KTN1: variants seen among roughly 807,000 people sequenced by gnomAD.
The protein encoded by KTN1 is kinectin 1, also known as kinectin.
A neutral mutation model predicts 222.5 loss-of-function variants in KTN1; 130 were observed. The ratio of observed to expected loss-of-function variants is 0.58; its 90% CI spans 0.51 to 0.68. KTN1 has a LOEUF of 0.68. Among genes scored for constraint, KTN1 ranks in the 30% least tolerant of loss-of-function variants. The pLI is 0.00. For missense variants in KTN1, 1,508 were observed against 1,500.4 expected (o/e 1.01, Z -0.08); for synonymous variants, 512 against 496.3 (o/e 1.03, Z -0.42).
At chr14:55,605,368 C>A (rs10136120) in intron 1 of KTN1, among the ~76,000 whole-genome samples, 13,317 of 152,140 alleles carry the variant, frequency 0.088, 1,563 homozygotes, top group African/African-American at 0.27. Flanking sequence ...TTTCTGCTGC[C>A]TCTTGTTCAT....
chr14:55,632,637 T>A (rs1003774489), intron 7 of KTN1, among the ~76,000 whole-genome samples: 2 of 152,186 alleles, frequency 1.3e-5, no homozygotes, highest in Non-Finnish European at 2.9e-5. Context: ...GCATTATGGA[T>A]ATATTTAATA....
intron 33 of KTN1, among the ~76,000 whole-genome samples, chr14:55,664,258 G>T (rs763327650): frequency 5.9e-5 from 9 of 152,134 alleles, no homozygotes; most frequent in Non-Finnish European, 1.2e-4. Context: ...TTTGGGCTTT[G>T]TTGAGCACAA....
At chr14:55,619,413 A>T in intron 5 of KTN1, 101 bp downstream of exon 5, 1 of 1,013,598 alleles carries the variant, frequency 9.9e-7, no homozygotes, top group Non-Finnish European at 1.5e-6. Flanking sequence ...CCCATCCTTA[A>T]CATCTCAGAA....
At chr14:55,659,266 G>A (rs781337150) in intron 30 of KTN1, among the ~76,000 whole-genome samples, 8 of 150,766 alleles carry the variant, frequency 5.3e-5, no homozygotes, top group Non-Finnish European at 8.9e-5. Flanking sequence ...TTTGTTAAAC[G>A]TGAGGAAACA....
intron 12 of KTN1, 149 bp from the exon 13 acceptor site, chr14:55,639,036 T>C (rs913387457): frequency 7.7e-6 from 4 of 516,358 alleles, no homozygotes; most frequent in Non-Finnish European, 1.4e-5. Context: ...TGATAGTTAC[T>C]CTTTATTGAA....
chr14:55,588,793 A>G (rs770832657), intron 1 of KTN1, among the ~76,000 whole-genome samples: 1 of 152,190 alleles, frequency 6.6e-6, no homozygotes, highest in African/African-American at 2.4e-5. Context: ...GTTTTGATAA[A>G]TTTTAACTTT....
At chr14:55,603,204 C>T (rs2036234613) in intron 1 of KTN1, among the ~76,000 whole-genome samples, 2 of 151,184 alleles carry the variant, frequency 1.3e-5, no homozygotes, top group Admixed American at 6.6e-5. Context: ...GCTGTAATTT[C>T]TCCCATCTTT....
At chr14:55,671,444 T>C (rs1328432509) in intron 35 of KTN1, 122 bp from the exon 36 acceptor site, 1 of 646,318 alleles carries the variant, frequency 1.5e-6, no homozygotes, top group African/African-American at 1.9e-5. Context: ...TGAAATGTAG[T>C]GTTTCCTTAT....
At position 55,650,326 on chromosome 14, in the gene KTN1, A is replaced by G; in HGVS notation, c.2406-2A>G. 1 of 1,580,444 alleles carries G rather than the reference A, an allele frequency of 6.3e-7. No homozygotes were observed. The highest frequency in any genetic ancestry group is 8.6e-7 in the Non-Finnish European group (1 of 1,164,048). On this transcript the variant is annotated splice_acceptor_variant, in intron 22 of 43. Transcript: ENST00000395314. LOFTEE classifies it high-confidence loss of function. ...AAATTATACTGCATTTCTTTATTGA[A>G]GGATCCATGAGAAAGATGGAAAGAT...
intron 31 of KTN1, 96 bp from the exon 32 acceptor site, chr14:55,661,426 T>C: frequency 2.9e-6 from 2 of 687,832 alleles, no homozygotes; most frequent in Middle Eastern, 3.9e-4. Context: ...TCTCTTGATA[T>C]TTTTATTTTG....
At chr14:55,679,826 C>A (rs1278570084) in intron 43 of KTN1, 141 bp downstream of exon 43, 4 of 875,174 alleles carry the variant, frequency 4.6e-6, no homozygotes, top group Non-Finnish European at 7.2e-6. Context: ...CAGCCTTAAG[C>A]TTTCTTGGAG....
At position 55,664,194 on chromosome 14, in the gene KTN1, T is replaced by A. The variant is rs571310797; in HGVS notation, c.3177+153T>A. On this transcript the variant is annotated intron_variant, in intron 33 of 43. Coordinates refer to ENST00000395314, the MANE Select transcript of KTN1 (RefSeq NM_001079521.2). ...CTCTATCATCTCTGCTTTTTTCATCTACTCCTTGAAGCTTTAATTTTGGGC... is the reference window on the plus strand; with the variant it reads ...CTCTATCATCTCTGCTTTTTTCATCAACTCCTTGAAGCTTTAATTTTGGGC... Among the ~76,000 whole-genome samples the A allele has an allele frequency of 9.8e-5, 15 of 152,326 alleles. 1 individual carries two copies. In the South Asian group the frequency reaches 3.1e-3, roughly 32 times the overall value.
At chr14:55,611,155 A>G (rs2140594753) in intron 1 of KTN1, among the ~76,000 whole-genome samples, 1 of 152,212 alleles carries the variant, frequency 6.6e-6, no homozygotes, top group South Asian at 2.1e-4. Flanking sequence ...TGGCAGAGTC[A>G]CAGGTCACTG....
At chr14:55,665,994 T>G (rs1413365437) in intron 33 of KTN1, among the ~76,000 whole-genome samples, 1 of 151,950 alleles carries the variant, frequency 6.6e-6, no homozygotes, top group Non-Finnish European at 1.5e-5. Context: ...CTTTAAAGAT[T>G]AGTACTTTGG....
rs34864410 is a variant in KTN1, at chr14:55,664,992, ATT to A, written c.3177+964_3177+965del. ...GTTTAAGCATAAAATAGTTCTGTAA[ATT>A]TTTTTTTTTTTTAGCAAGTATACGT... On this transcript the variant is annotated intron_variant, in intron 33 of 43. Transcript: ENST00000395314. Among the ~76,000 whole-genome samples the A allele has an allele frequency of 5.3e-3, 773 of 147,228 alleles. 9 individuals are homozygous for A. The highest frequency in any genetic ancestry group is 0.018 in the South Asian group (86 of 4,666).
chr14:55,591,581 CTTTTTTTTTTTTTTTT>C (rs71131297), intron 1 of KTN1, among the ~76,000 whole-genome samples: 1 of 87,712 alleles, frequency 1.1e-5, no homozygotes, highest in East Asian at 4.1e-4. Context: ...TTCTCTCTTT[CTTTTTTTTTTTTTTTT>C]TTTTTTTTGA....
chr14:55,648,013 T>A lies in KTN1; in HGVS notation c.2208-12T>A, dbSNP rs1286328463. The stretch of plus-strand genomic sequence containing the variant: ...AATAGTTAATACATGTGTTACAAAT[T>A]TATAATTTCAGCATTCAAGAAAAAG... On this transcript the variant is annotated splice_polypyrimidine_tract_variant and intron_variant, in intron 19 of 43. Transcript: ENST00000395314. 1.6e-6 allele frequency: 2 copies of A among 1,253,278 alleles called. No homozygotes were observed. The highest frequency in any genetic ancestry group is 2.2e-6 in the Non-Finnish European group (2 of 908,966). The allele number at this position is 1,253,278 out of a possible 1,614,324, so 77.6% of individuals were successfully genotyped here. A position where few individuals can be genotyped will look rare whatever the true frequency, so the allele number is the denominator to read the frequency against.
At chr14:55,608,655 G>A (rs947216888) in intron 1 of KTN1, among the ~76,000 whole-genome samples, 5 of 145,076 alleles carry the variant, frequency 3.4e-5, no homozygotes, top group African/African-American at 1.3e-4. Flanking sequence ...ACAGAGTCTC[G>A]CCCTGTTGCC....
chr14:55,583,403 TGTAGAAGACATAC>T lies in KTN1; in HGVS notation c.-31+3050_-31+3062del, dbSNP rs999466301. Among the ~76,000 whole-genome samples, 890 of 152,306 alleles carry T rather than the reference TGTAGAAGACATAC, an allele frequency of 5.8e-3. 13 individuals are homozygous for T. Among genetic ancestry groups the T allele is most frequent in the African/African-American group, 0.021 (858 of 41,562 alleles). ...TAGGAAATATAATATTCCTCGGAAA[TGTAGAAGACATAC>T]CCTAAAAAAAGTTATGATTTAGTAT... On this transcript the variant is annotated intron_variant, in intron 1 of 43. Coordinates refer to ENST00000395314, the MANE Select transcript of KTN1 (RefSeq NM_001079521.2).
Sources: allele counts gnomAD v4.1 joint callset (sites outside exome capture counted in the v4.1 genomes callset), GRCh38; gene constraint gnomAD v4.1.1; transcripts MANE v1.5; gene names NCBI Gene and HGNC (gene_info 2026-07-23, HGNC 2026-07-21).